The following SNTG1 variants were observed in gnomAD, a reference collection of about 807,000 sequenced individuals.
SNTG1 encodes the protein gamma-1-syntrophin.
Under a neutral mutation model 74.7 loss-of-function variants are expected in SNTG1, and 39 were observed. The ratio of observed to expected loss-of-function variants is 0.52; its 90% CI spans 0.40 to 0.68. The LOEUF (loss-of-function observed/expected upper bound fraction) is 0.68, where lower values mean the gene tolerates loss of function less well. Among genes scored for constraint, SNTG1 ranks in the 30% least tolerant of loss-of-function variants. The pLI is 0.00. For synonymous variants in SNTG1, 254 were observed against 217.1 expected (o/e 1.17, Z -1.49); for missense variants, 685 against 609.5 (o/e 1.12, Z -1.30).
chr8:50,400,904 T>C (rs754098429), intron 3 of SNTG1, among the ~76,000 whole-genome samples: 1 of 152,124 alleles, frequency 6.6e-6, no homozygotes, highest in African/African-American at 2.4e-5. Context: ...TGATCACAGC[T>C]AACAGTAATG....
chr8:50,646,062 T>G (rs1440388497), intron 13 of SNTG1, among the ~76,000 whole-genome samples: 7 of 152,182 alleles, frequency 4.6e-5, no homozygotes, highest in Non-Finnish European at 2.9e-5. Context: ...TGAAGTAGAA[T>G]TGATTTGTAA....
chr8:50,695,631 T>TA (rs2095402139), intron 15 of SNTG1, among the ~76,000 whole-genome samples: 1 of 151,778 alleles, frequency 6.6e-6, no homozygotes, highest in South Asian at 2.1e-4. Context: ...TCCACCCTCT[T>TA]ACTCTTTGAA....
At chr8:50,240,706 T>C (rs2086127092) in intron 2 of SNTG1, among the ~76,000 whole-genome samples, 1 of 152,184 alleles carries the variant, frequency 6.6e-6, no homozygotes, top group Admixed American at 6.5e-5. Context: ...GTTCTTCATG[T>C]TGGCCTCTGA....
At chr8:50,112,715 G>T (rs983930890) in intron 1 of SNTG1, among the ~76,000 whole-genome samples, 1 of 151,698 alleles carries the variant, frequency 6.6e-6, no homozygotes. Context: ...TAGAGATGGG[G>T]TTTCGCCATG....
intron 1 of SNTG1, chr8:50,011,731 A>G (rs879467109): frequency 3.3e-5 from 5 of 152,124 alleles, no homozygotes; most frequent in Admixed American, 3.3e-4. Context: ...TTTAATGTCA[A>G]TGGGGAGGAA....
intron 17 of SNTG1, 44 bp downstream of exon 17, chr8:50,709,022 C>G: frequency 7.3e-7 from 1 of 1,374,790 alleles, no homozygotes; most frequent in Non-Finnish European, 1.0e-6. Context: ...TGCAAACATT[C>G]TAATTGAAGA....
At chr8:50,544,300 G>T (rs1027359725) in intron 11 of SNTG1, among the ~76,000 whole-genome samples, 1 of 151,704 alleles carries the variant, frequency 6.6e-6, no homozygotes, top group Non-Finnish European at 1.5e-5. Flanking sequence ...TAATTCCTTT[G>T]TTTTTTCTTA....
intron 2 of SNTG1, among the ~76,000 whole-genome samples, chr8:50,251,081 G>A (rs2086626987): frequency 6.6e-6 from 1 of 151,914 alleles, no homozygotes; most frequent in Non-Finnish European, 1.5e-5. Context: ...AAATGCAAAT[G>A]AAAAGGGAGA....
At chr8:50,734,767 G>A (rs1398582952) in intron 17 of SNTG1, among the ~76,000 whole-genome samples, 3 of 99,966 alleles carry the variant, frequency 3.0e-5, no homozygotes, top group Admixed American at 1.9e-4. Flanking sequence ...CTATATATAT[G>A]GACATATATA....
At chr8:50,191,751 C>G (rs112698022) in intron 2 of SNTG1, among the ~76,000 whole-genome samples, 89 of 151,884 alleles carry the variant, frequency 5.9e-4, no homozygotes, top group Non-Finnish European at 1.0e-3. Flanking sequence ...CAACAGGCCC[C>G]GGTGTGTGCT....
intron 12 of SNTG1, among the ~76,000 whole-genome samples, chr8:50,583,229 C>G (rs919593684): frequency 6.6e-6 from 1 of 151,464 alleles, no homozygotes; most frequent in Non-Finnish European, 1.5e-5. Context: ...ATGGTGAAAC[C>G]CTGTCTCTAC....
intron 3 of SNTG1, 26 bp from the exon 4 acceptor site, chr8:50,402,184 T>C: frequency 6.3e-7 from 1 of 1,579,432 alleles, no homozygotes; most frequent in Non-Finnish European, 8.5e-7. Flanking sequence ...ATTTTTCCTC[T>C]GTTTGTTTTT....
At chr8:50,602,565 TGTG>T (rs1457565459) in intron 13 of SNTG1, among the ~76,000 whole-genome samples, 5 of 152,208 alleles carry the variant, frequency 3.3e-5, no homozygotes, top group African/African-American at 4.8e-5. Context: ...TATAATAGTT[TGTG>T]TTTTTCTGTT....
intron 1 of SNTG1, among the ~76,000 whole-genome samples, chr8:50,079,702 G>T (rs552717954): frequency 1.8e-4 from 27 of 152,126 alleles, no homozygotes; most frequent in South Asian, 4.2e-4. Context: ...TTTAGGTTTT[G>T]CATTTCAGTC....
At chr8:50,466,416 C>A (rs2093609079) in intron 8 of SNTG1, among the ~76,000 whole-genome samples, 6 of 151,900 alleles carry the variant, frequency 3.9e-5, no homozygotes, top group Admixed American at 3.9e-4. Flanking sequence ...TATTCTTTTG[C>A]CAACACCATG....
At chr8:50,295,539 C>A (rs769525605) in intron 2 of SNTG1, among the ~76,000 whole-genome samples, 8 of 152,130 alleles carry the variant, frequency 5.3e-5, no homozygotes, top group Non-Finnish European at 1.0e-4. Flanking sequence ...TTTCCAGTTG[C>A]CATCACAGAT....
intron 1 of SNTG1, among the ~76,000 whole-genome samples, chr8:49,956,704 C>T (rs1243136955): frequency 1.3e-5 from 2 of 151,710 alleles, no homozygotes; most frequent in Non-Finnish European, 2.9e-5. Flanking sequence ...TTTTGCTAAA[C>T]AGCTATATGA....
intron 5 of SNTG1, among the ~76,000 whole-genome samples, chr8:50,441,262 C>T (rs2093355102): frequency 2.6e-5 from 4 of 152,186 alleles, no homozygotes; most frequent in Admixed American, 2.6e-4. Context: ...CTGTCTCTCT[C>T]AAGCCCTGTC....
chr8:50,568,525 G>T (rs1286712939), intron 12 of SNTG1, among the ~76,000 whole-genome samples: 1 of 151,970 alleles, frequency 6.6e-6, no homozygotes, highest in African/African-American at 2.4e-5. Context: ...GATAAAAGCT[G>T]TTTTAACTGG....
Sources: gnomAD v4.1 joint callset for allele counts (sites outside exome capture counted in the v4.1 genomes callset) on GRCh38, gnomAD v4.1.1 for gene constraint, MANE v1.5 for transcripts, NCBI Gene and HGNC (gene_info 2026-07-23, HGNC 2026-07-21) for gene names.